The following TOR1A variants were observed in gnomAD, a reference collection of about 807,000 sequenced individuals.
TOR1A encodes torsin-1A.
In TOR1A, 18 loss-of-function variants were observed where a neutral mutation model predicts 31.4. The ratio of observed to expected loss-of-function variants is 0.57; its 90% CI spans 0.40 to 0.85. The LOEUF (loss-of-function observed/expected upper bound fraction) is 0.85. TOR1A is among the 40% of genes least tolerant of loss of function. The pLI is 0.00. For missense variants in TOR1A, 375 were observed against 416.4 expected (o/e 0.90, Z 0.87); for synonymous variants, 168 against 165.9 (o/e 1.01, Z -0.10).
chr9:129,823,585 C>A, intron 1 of TOR1A: 1 of 391,044 alleles, frequency 2.6e-6, no homozygotes, highest in Non-Finnish European at 4.7e-6. Flanking sequence ...ACTGCCATCC[C>A]CCAGCCTCCA....
rs775404454 is a variant in TOR1A at position 129,822,562 on chromosome 9, T to C, written c.444+19A>G. 1.3e-5 allele frequency: 21 copies of C among 1,614,036 alleles called. No homozygotes were observed. Among genetic ancestry groups the C allele is most frequent in the South Asian group, 1.2e-4 (11 of 90,956 alleles). Reference sequence around the variant, plus strand: ...AACCCGATGACATCCAGGAAGGGATTCCAAACTTCCATCCTTGCCTTGTAC... The same window carrying C: ...AACCCGATGACATCCAGGAAGGGATCCCAAACTTCCATCCTTGCCTTGTAC... On this transcript the variant is annotated intron_variant, in intron 2 of 4. Coordinates refer to ENST00000351698, the MANE Select transcript of TOR1A (RefSeq NM_000113.3).
intron 4 of TOR1A, 44 bp downstream of exon 4, chr9:129,818,476 G>C (rs541228878): frequency 6.2e-7 from 1 of 1,612,486 alleles, no homozygotes; most frequent in East Asian, 2.2e-5. Flanking sequence ...TTAGGGTGCA[G>C]GATTAGGAAC....
chr9:129,820,203 C>G (rs1457062739), intron 2 of TOR1A, among the ~76,000 whole-genome samples: 1 of 152,028 alleles, frequency 6.6e-6, no homozygotes, highest in Non-Finnish European at 1.5e-5. Flanking sequence ...CTCACTGCAA[C>G]CTCTGCCTCC....
At chr9:129,822,122 T>A in intron 2 of TOR1A, 1 of 245,004 alleles carries the variant, frequency 4.1e-6, no homozygotes, top group South Asian at 4.3e-5. Context: ...AAAAATTAGC[T>A]GGGCATGGTG....
intron 4 of TOR1A, 146 bp downstream of exon 4, chr9:129,818,374 T>A: frequency 1.6e-6 from 2 of 1,248,294 alleles, no homozygotes; most frequent in Non-Finnish European, 2.3e-6. Context: ...CAGCAAAGAT[T>A]CCCCTCATGA....
intron 2 of TOR1A, 181 bp downstream of exon 2, chr9:129,822,400 T>C: frequency 1.2e-6 from 1 of 832,982 alleles, no homozygotes; most frequent in Non-Finnish European, 2.0e-6. Context: ...AAAGCTTTGA[T>C]GGTATTAACT....
In TOR1A at chr9:129,824,089, C is replaced by G. The variant is rs769210407; in HGVS notation, c.-4G>C. 116 of 1,568,986 alleles carry G rather than the reference C, an allele frequency of 7.4e-5. No homozygotes were observed. The highest frequency in any genetic ancestry group is 9.2e-5 in the Non-Finnish European group (107 of 1,161,998). ...GCACGGCCCGGCCCAGCTTCATGCCCGGACCCGCGCCACCCTGCTTGTTCT... is the reference window on the plus strand; with the variant it reads ...GCACGGCCCGGCCCAGCTTCATGCCGGGACCCGCGCCACCCTGCTTGTTCT... On this transcript the variant is annotated 5_prime_UTR_variant, in exon 1 of 5. Coordinates refer to ENST00000351698, the MANE Select transcript of TOR1A (RefSeq NM_000113.3).
At chr9:129,817,624 G>A (rs1373234246) in intron 4 of TOR1A, among the ~76,000 whole-genome samples, 1 of 151,334 alleles carries the variant, frequency 6.6e-6, no homozygotes, top group Non-Finnish European at 1.5e-5. Flanking sequence ...GTGTGAACCT[G>A]GGAGGCAGAG....
rs1232186875 is a variant in TOR1A, at chr9:129,813,359, C to G, written c.*613G>C. The G allele has an allele frequency of 6.1e-6, 1 of 163,832 alleles. No homozygotes were observed. Among genetic ancestry groups the G allele is most frequent in the Non-Finnish European group, 1.3e-5 (1 of 74,986 alleles). 10.1% of individuals were successfully genotyped at this position (163,832 alleles called of 1,614,324 possible). A position where few individuals can be genotyped will look rare whatever the true frequency, so the allele number is the denominator to read the frequency against. On this transcript the variant is annotated 3_prime_UTR_variant, in exon 5 of 5. Coordinates refer to ENST00000351698, the MANE Select transcript of TOR1A (RefSeq NM_000113.3). ...GTGGTGCCTGAAGGCGTCCTCTTAC[C>G]TACTTGTCCTTCACCTAAACACTTC... is the stretch of plus-strand genomic sequence containing the variant.
In TOR1A at chr9:129,812,997, A is replaced by G. The variant is rs1465817018; in HGVS notation, c.*975T>C. On this transcript the variant is annotated 3_prime_UTR_variant, in exon 5 of 5. Coordinates refer to ENST00000351698, the MANE Select transcript of TOR1A (RefSeq NM_000113.3). ...TAGCCATTTGCATTTATAAAGAAAG[A>G]CACCGTTCTCAGCATCCTCAGAAGG... 1 of 152,230 alleles carries G rather than the reference A, an allele frequency of 6.6e-6. No individual in the cohort carries two copies. The highest frequency in any genetic ancestry group is 1.5e-5 in the Non-Finnish European group (1 of 68,034). 9.4% of individuals were successfully genotyped at this position (152,230 alleles called of 1,614,324 possible).
intron 1 of TOR1A, chr9:129,823,317 C>A: frequency 3.4e-6 from 1 of 293,892 alleles, no homozygotes; most frequent in Non-Finnish European, 6.6e-6. Context: ...TGCAGCCTGG[C>A]TCCTCAGGTC....
Position 129,818,898 on chromosome 9 carries a change from C to T in TOR1A, c.467G>A (p.Arg156Gln), listed in dbSNP as rs2031110675. The T allele has an allele frequency of 3.7e-6, 6 of 1,613,590 alleles. No homozygotes were observed. Among genetic ancestry groups the T allele is most frequent in the South Asian group, 1.1e-5 (1 of 91,074 alleles). ...LYKDQLQLWI[R>Q]GNVSACARSI... ...CCTCGCACAGGCACTCACGTTGCCTCGAATCCACAACTGTAACTGATCCTG... is the reference window on the plus strand; with the variant it reads ...CCTCGCACAGGCACTCACGTTGCCTTGAATCCACAACTGTAACTGATCCTG... Residue 156 changes from arginine (R) to glutamine (Q), a missense_variant, in exon 3 of 5, where the codon CGA (arginine) becomes CAA (glutamine). Transcript: ENST00000351698.
At chr9:129,819,276 G>A (rs1564183950) in intron 2 of TOR1A, among the ~76,000 whole-genome samples, 1 of 152,118 alleles carries the variant, frequency 6.6e-6, no homozygotes, top group Non-Finnish European at 1.5e-5. Flanking sequence ...CTGCTCTTTT[G>A]TCATCAAAGG....
chr9:129,816,343 A>G (rs1440796193), intron 4 of TOR1A, among the ~76,000 whole-genome samples: 4 of 151,784 alleles, frequency 2.6e-5, no homozygotes, highest in Non-Finnish European at 5.9e-5. Context: ...GCCTTTCTTG[A>G]TTTTTTTCCC....
intron 4 of TOR1A, among the ~76,000 whole-genome samples, chr9:129,816,273 C>A (rs1330890880): frequency 6.6e-6 from 1 of 152,192 alleles, no homozygotes; most frequent in African/African-American, 2.4e-5. Context: ...GCCACCCTCA[C>A]AGGGAGCCTT....
chr9:129,818,003 TGA>T (rs1158435152), intron 4 of TOR1A, among the ~76,000 whole-genome samples: 1 of 151,342 alleles, frequency 6.6e-6, no homozygotes, highest in Non-Finnish European at 1.5e-5. Flanking sequence ...GGTGACAGAG[TGA>T]GACTCTGTCT....
At chr9:129,816,426 T>C (rs932934887) in intron 4 of TOR1A, among the ~76,000 whole-genome samples, 1 of 152,228 alleles carries the variant, frequency 6.6e-6, no homozygotes, top group Non-Finnish European at 1.5e-5. Flanking sequence ...ATGTACTGCA[T>C]GTATACACAC....
chr9:129,814,479 G>A (rs956512476), intron 4 of TOR1A, among the ~76,000 whole-genome samples: 9 of 148,968 alleles, frequency 6.0e-5, no homozygotes, highest in African/African-American at 2.2e-4. Flanking sequence ...CACATCTACT[G>A]GGTGTCATCC....
At chr9:129,817,660 C>G (rs2031071954) in intron 4 of TOR1A, among the ~76,000 whole-genome samples, 1 of 148,378 alleles carries the variant, frequency 6.7e-6, no homozygotes, top group Non-Finnish European at 1.5e-5. Flanking sequence ...GATCGCGCCA[C>G]TGCACTCCAG....
Sources: allele counts gnomAD v4.1 joint callset (sites outside exome capture counted in the v4.1 genomes callset), GRCh38; gene constraint gnomAD v4.1.1; transcripts MANE v1.5; gene names NCBI Gene and HGNC (gene_info 2026-07-23, HGNC 2026-07-21).